The following ATXN7L1 variants were observed in gnomAD, a reference collection of about 807,000 sequenced individuals.
ATXN7L1 encodes ataxin 7 like 1.
In ATXN7L1, 15 loss-of-function variants were observed where a neutral mutation model predicts 70.8. The ratio of observed to expected loss-of-function variants is 0.21; its 90% confidence interval spans 0.14 to 0.33. ATXN7L1 has a LOEUF of 0.33. ATXN7L1 is among the 10% of genes least tolerant of loss of function. The pLI, the probability that ATXN7L1 is intolerant of heterozygous loss-of-function variation, is 1.00. For synonymous variants in ATXN7L1, 440 were observed against 445.1 expected, an observed-to-expected ratio of 0.99 and a Z score of 0.14; for missense variants, 975 against 1,097.1, an observed-to-expected ratio of 0.89 and a Z score of 1.57.
At chr7:105,652,789 G>A (rs1250753801) in intron 4 of ATXN7L1, among the ~76,000 whole-genome samples, 2 of 152,226 alleles carry the variant, frequency 1.3e-5, no homozygotes, top group East Asian at 3.9e-4. Context: ...CACGCTGAAA[G>A]ATGAGGAAAT....
chr7:105,654,564 T>C (rs889176267), intron 4 of ATXN7L1, among the ~76,000 whole-genome samples: 2 of 152,246 alleles, frequency 1.3e-5, no homozygotes, highest in East Asian at 3.8e-4. Flanking sequence ...CCACTGTGTA[T>C]GTAATCTCAG....
intron 3 of ATXN7L1, among the ~76,000 whole-genome samples, chr7:105,681,391 A>C (rs544726935): frequency 6.6e-6 from 1 of 152,338 alleles, no homozygotes; most frequent in East Asian, 1.9e-4. Context: ...GTTAACAAAC[A>C]ATGAAAATAA....
intron 2 of ATXN7L1, among the ~76,000 whole-genome samples, chr7:105,802,250 T>C (rs1282618806): frequency 1.3e-5 from 2 of 152,042 alleles, no homozygotes; most frequent in East Asian, 1.9e-4. Context: ...GGCTGCCCAG[T>C]GGCCTCCATA....
chr7:105,853,627 G>A (rs767345461), intron 2 of ATXN7L1, among the ~76,000 whole-genome samples: 34 of 151,626 alleles, frequency 2.2e-4, no homozygotes, highest in Non-Finnish European at 4.1e-4. Flanking sequence ...AGCTGGGCGT[G>A]GTGGTGGGCG....
At chr7:105,708,060 G>A (rs1163964244) in intron 3 of ATXN7L1, among the ~76,000 whole-genome samples, 1 of 152,214 alleles carries the variant, frequency 6.6e-6, no homozygotes, top group African/African-American at 2.4e-5. Flanking sequence ...TGTCAGCACT[G>A]CCAGACTGGG....
chr7:105,806,791 G>C (rs1321097130), intron 2 of ATXN7L1, among the ~76,000 whole-genome samples: 2 of 152,176 alleles, frequency 1.3e-5, no homozygotes, highest in Non-Finnish European at 2.9e-5. Context: ...AACAGAGTCA[G>C]AGGCACAGAG....
intron 3 of ATXN7L1, among the ~76,000 whole-genome samples, chr7:105,781,239 A>C (rs1004108578): frequency 7.2e-5 from 10 of 138,864 alleles, no homozygotes; most frequent in African/African-American, 2.7e-4. Context: ...ATATTAGAAG[A>C]TAAGGACCCC....
chr7:105,812,076 G>A (rs1009223206), intron 2 of ATXN7L1, among the ~76,000 whole-genome samples: 10 of 151,856 alleles, frequency 6.6e-5, no homozygotes, highest in Non-Finnish European at 1.0e-4. Flanking sequence ...GGCACAGGGA[G>A]GCACCCTGCT....
chr7:105,815,382 C>T (rs1809039059), intron 2 of ATXN7L1, among the ~76,000 whole-genome samples: 1 of 152,072 alleles, frequency 6.6e-6, no homozygotes, highest in Non-Finnish European at 1.5e-5. Flanking sequence ...GATCACTTAG[C>T]TTTTTTAAAA....
chr7:105,689,986 G>C (rs536460547), intron 3 of ATXN7L1, among the ~76,000 whole-genome samples: 8 of 152,278 alleles, frequency 5.3e-5, no homozygotes, highest in African/African-American at 1.9e-4. Context: ...TTCTCTGCAA[G>C]GTTAAAGGAG....
At chr7:105,702,251 A>G (rs1792546748) in intron 3 of ATXN7L1, among the ~76,000 whole-genome samples, 1 of 152,178 alleles carries the variant, frequency 6.6e-6, no homozygotes, top group Non-Finnish European at 1.5e-5. Context: ...CAGTTCACAG[A>G]TGAGGAATCT....
chr7:105,659,455 C>G (rs1156297995), intron 4 of ATXN7L1, among the ~76,000 whole-genome samples: 2 of 152,084 alleles, frequency 1.3e-5, no homozygotes, highest in African/African-American at 4.8e-5. Context: ...TATGGCCGAC[C>G]AGAGAAAGTG....
At chr7:105,707,921 T>C (rs1793383155) in intron 3 of ATXN7L1, among the ~76,000 whole-genome samples, 1 of 152,252 alleles carries the variant, frequency 6.6e-6, no homozygotes, top group Non-Finnish European at 1.5e-5. Flanking sequence ...GTGTCTCATC[T>C]TTCTCACTTA....
At chr7:105,755,118 T>G (rs1253219989) in intron 3 of ATXN7L1, among the ~76,000 whole-genome samples, 1 of 152,228 alleles carries the variant, frequency 6.6e-6, no homozygotes, top group Non-Finnish European at 1.5e-5. Flanking sequence ...ATCGCCGGTT[T>G]CCAGAGTCAT....
At chr7:105,843,179 G>A (rs937913099) in intron 2 of ATXN7L1, among the ~76,000 whole-genome samples, 1 of 152,168 alleles carries the variant, frequency 6.6e-6, no homozygotes, top group Non-Finnish European at 1.5e-5. Flanking sequence ...AGCAAATGGT[G>A]GCCCCAAGGT....
intron 2 of ATXN7L1, among the ~76,000 whole-genome samples, chr7:105,826,682 A>C (rs1449345444): frequency 1.3e-5 from 2 of 152,194 alleles, no homozygotes; most frequent in Admixed American, 1.3e-4. Context: ...ATGGCCACCA[A>C]GAAAAAAACA....
chr7:105,832,910 A>G (rs1811828553), intron 2 of ATXN7L1, among the ~76,000 whole-genome samples: 1 of 152,058 alleles, frequency 6.6e-6, no homozygotes, highest in Non-Finnish European at 1.5e-5. Context: ...TGCTAACCAC[A>G]TCCATTACTA....
chr7:105,867,583 G>C (rs931093216), intron 2 of ATXN7L1, among the ~76,000 whole-genome samples: 3 of 152,226 alleles, frequency 2.0e-5, no homozygotes, highest in Admixed American at 6.5e-5. Context: ...TTCCCTGGGG[G>C]ACCGAGGCTT....
intron 3 of ATXN7L1, among the ~76,000 whole-genome samples, chr7:105,772,063 ATTTTTTTTTTT>A (rs533366742): frequency 5.0e-5 from 5 of 99,820 alleles, no homozygotes; most frequent in Admixed American, 2.3e-4. Flanking sequence ...TCAGATTGGA[ATTTTTTTTTTT>A]TTTTTTTTTT....
Sources: allele counts gnomAD v4.1 joint callset (sites outside exome capture counted in the v4.1 genomes callset), GRCh38; gene constraint gnomAD v4.1.1; transcripts MANE v1.5; gene names NCBI Gene and HGNC (gene_info 2026-07-23, HGNC 2026-07-21).